The following NAALADL2 variants were observed in gnomAD, a reference collection of about 807,000 sequenced individuals.
The protein encoded by NAALADL2 is N-acetylated alpha-linked acidic dipeptidase like 2.
NAALADL2 carries 76 observed loss-of-function variants against 87.2 expected under a neutral mutation model. The observed-to-expected ratio is 0.87, with a 90% CI of 0.72 to 1.05. The LOEUF (loss-of-function observed/expected upper bound fraction) is 1.05, where lower values mean the gene tolerates loss of function less well. NAALADL2 is among the 50% of genes least tolerant of loss of function. The probability of loss-of-function intolerance (pLI) is 0.00; values close to 1 mark genes in which losing one functional copy is unlikely to be tolerated. For synonymous variants in NAALADL2, 354 were observed against 331.0 expected (o/e 1.07, Z -0.75); for missense variants, 1,089 against 945.8 (o/e 1.15, Z -1.99).
At chr3:175,473,352 C>A (rs1455433065) in intron 9 of NAALADL2, among the ~76,000 whole-genome samples, 1 of 151,012 alleles carries the variant, frequency 6.6e-6, no homozygotes, top group Non-Finnish European at 1.5e-5. Context: ...AATGTTTGCA[C>A]ACTAACAAAT....
intron 9 of NAALADL2, among the ~76,000 whole-genome samples, chr3:175,496,242 T>G (rs530689405): frequency 2.6e-5 from 4 of 152,288 alleles, no homozygotes; most frequent in African/African-American, 9.6e-5. Flanking sequence ...AAATGTCTTT[T>G]GTAATTATAG....
chr3:175,264,643 A>C (rs1265349763), intron 4 of NAALADL2, among the ~76,000 whole-genome samples: 4 of 151,748 alleles, frequency 2.6e-5, no homozygotes, highest in Non-Finnish European at 5.9e-5. Context: ...AGATATAAAT[A>C]AATGAATAAA....
chr3:174,742,510 A>T (rs981656458), intron 3 of NAALADL2, among the ~76,000 whole-genome samples: 2 of 151,752 alleles, frequency 1.3e-5, no homozygotes, highest in African/African-American at 4.8e-5. Flanking sequence ...AACAAATAAC[A>T]TATAATAAAT....
intron 5 of NAALADL2, among the ~76,000 whole-genome samples, chr3:175,421,644 C>T (rs763651359): frequency 6.6e-6 from 1 of 152,004 alleles, no homozygotes; most frequent in Non-Finnish European, 1.5e-5. Flanking sequence ...TTCAAAGTAA[C>T]TTTGGGATAG....
intron 11 of NAALADL2, among the ~76,000 whole-genome samples, chr3:175,684,719 C>T (rs1415495903): frequency 2.0e-5 from 3 of 152,082 alleles, no homozygotes; most frequent in Non-Finnish European, 2.9e-5. Flanking sequence ...AAGAGAATCA[C>T]TTGAGCCCGG....
chr3:174,826,210 T>G (rs1721979373), intron 3 of NAALADL2, among the ~76,000 whole-genome samples: 1 of 152,216 alleles, frequency 6.6e-6, no homozygotes, highest in African/African-American at 2.4e-5. Flanking sequence ...TTTGTTCTAA[T>G]CTGTCTTTCC....
intron 2 of NAALADL2, among the ~76,000 whole-genome samples, chr3:174,709,952 A>G (rs992653105): frequency 2.0e-5 from 3 of 152,214 alleles, no homozygotes; most frequent in African/African-American, 7.2e-5. Flanking sequence ...TTCAAGGTGT[A>G]TATCATTTAT....
chr3:175,492,218 G>C (rs1419235085), intron 9 of NAALADL2, among the ~76,000 whole-genome samples: 2 of 152,140 alleles, frequency 1.3e-5, no homozygotes, highest in Non-Finnish European at 2.9e-5. Flanking sequence ...TACATCAAAA[G>C]TTTTTCCTTC....
upstream of NAALADL2, among the ~76,000 whole-genome samples, chr3:174,855,887 AATAT>A (rs147567612): frequency 2.1e-5 from 3 of 140,074 alleles, no homozygotes; most frequent in South Asian, 2.1e-4. Flanking sequence ...CATACATATG[AATAT>A]ATATACACAT....
At chr3:175,074,004 T>C (rs550576382) in intron 1 of NAALADL2, among the ~76,000 whole-genome samples, 1 of 152,176 alleles carries the variant, frequency 6.6e-6, no homozygotes, top group Non-Finnish European at 1.5e-5. Flanking sequence ...TTCCTGTGTG[T>C]TTGTTTTTTG....
chr3:175,094,318 A>G (rs1051155986), intron 1 of NAALADL2, among the ~76,000 whole-genome samples: 3 of 152,116 alleles, frequency 2.0e-5, no homozygotes. Context: ...AAAAAAATTG[A>G]CTGGTGCTAG....
At chr3:175,014,151 A>G (rs1044585548) in intron 1 of NAALADL2, among the ~76,000 whole-genome samples, 21 of 151,884 alleles carry the variant, frequency 1.4e-4, no homozygotes, top group African/African-American at 4.4e-4. Flanking sequence ...TTCCAACCTC[A>G]TCTTCTATGA....
At chr3:175,463,634 T>C in intron 7 of NAALADL2, 141 bp downstream of exon 7, 1 of 423,832 alleles carries the variant, frequency 2.4e-6, no homozygotes, top group Non-Finnish European at 4.1e-6. Context: ...TAGATAAATT[T>C]GAAACTAAGA....
intron 11 of NAALADL2, among the ~76,000 whole-genome samples, chr3:175,733,155 G>A (rs1309970787): frequency 1.3e-5 from 2 of 152,054 alleles, no homozygotes; most frequent in Admixed American, 6.5e-5. Flanking sequence ...TATTTTTTAC[G>A]ACTTGAATTG....
chr3:175,782,076 G>A (rs1226946370), intron 13 of NAALADL2, among the ~76,000 whole-genome samples: 4 of 150,924 alleles, frequency 2.7e-5, no homozygotes, highest in Non-Finnish European at 4.4e-5. Context: ...TGGTGTATAT[G>A]TGCCACATTT....
chr3:175,617,157 A>C (rs940499787), intron 10 of NAALADL2, among the ~76,000 whole-genome samples: 3 of 152,188 alleles, frequency 2.0e-5, no homozygotes, highest in Non-Finnish European at 4.4e-5. Flanking sequence ...ATCAGGTTAA[A>C]GGCTTTCCTG....
At chr3:174,676,280 G>A (rs936673816) in intron 2 of NAALADL2, among the ~76,000 whole-genome samples, 5 of 152,094 alleles carry the variant, frequency 3.3e-5, no homozygotes, top group East Asian at 1.9e-4. Flanking sequence ...AACACTGGCC[G>A]CTTCATTGTG....
intron 13 of NAALADL2, among the ~76,000 whole-genome samples, chr3:175,781,938 G>A (rs1348469517): frequency 1.4e-5 from 2 of 143,036 alleles, no homozygotes; most frequent in Admixed American, 7.6e-5. Context: ...TCCCACCTAT[G>A]AGTGAGAATA....
Position 175,805,730 on chromosome 3 carries a change from A to C in NAALADL2, c.*2527A>C, listed in dbSNP as rs1309204857. 2 of 151,886 alleles carry C rather than the reference A, an allele frequency of 1.3e-5. No homozygotes were observed. Among genetic ancestry groups the C allele is most frequent in the Admixed American group, 1.3e-4 (2 of 15,186 alleles). The allele number at this position is 151,886 out of a possible 1,614,324, so 9.4% of individuals were successfully genotyped here. A position where few individuals can be genotyped will look rare whatever the true frequency, so the allele number is the denominator to read the frequency against. ...ACTTCTCACAATCTTTCATACATAGAATTGTGCCTAGGAAATAATGAATCA... is the reference window on the plus strand; with the variant it reads ...ACTTCTCACAATCTTTCATACATAGCATTGTGCCTAGGAAATAATGAATCA... On this transcript the variant is annotated 3_prime_UTR_variant, in exon 14 of 14. Transcript: ENST00000454872.
Sources: gnomAD v4.1 joint callset for allele counts (sites outside exome capture counted in the v4.1 genomes callset) on GRCh38, gnomAD v4.1.1 for gene constraint, MANE v1.5 for transcripts, NCBI Gene and HGNC (gene_info 2026-07-23, HGNC 2026-07-21) for gene names.